Variants in DIP2C observed in about 807,000 individuals in gnomAD.
The protein encoded by DIP2C is disco-interacting protein 2 homolog C.
DIP2C carries 33 observed loss-of-function variants against 192.4 expected under a neutral mutation model. The observed-to-expected ratio is 0.17, with a 90% CI of 0.13 to 0.23. The LOEUF is 0.23. Ranked by LOEUF, DIP2C falls within the 10% of genes least tolerant of loss-of-function variation. The probability of loss-of-function intolerance (pLI) is 1.00; values close to 1 mark genes in which losing one functional copy is unlikely to be tolerated. For synonymous variants in DIP2C, 979 were observed against 864.1 expected (o/e 1.13, Z -2.33); for missense variants, 1,537 against 2,110.1 (o/e 0.73, Z 5.32).
intron 1 of DIP2C, among the ~76,000 whole-genome samples, chr10:676,267 A>G (rs929840929): frequency 1.1e-4 from 17 of 152,342 alleles, no homozygotes; most frequent in Middle Eastern, 3.4e-3. Context: ...ATACCTCAAC[A>G]CAATAAAGGC....
chr10:585,981 C>T (rs1850998641), intron 1 of DIP2C, among the ~76,000 whole-genome samples: 1 of 152,160 alleles, frequency 6.6e-6, no homozygotes, highest in Non-Finnish European at 1.5e-5. Flanking sequence ...AATGACGCTT[C>T]TTGCAGTGTC....
chr10:576,153 G>C (rs940128805), intron 1 of DIP2C, among the ~76,000 whole-genome samples: 1 of 152,204 alleles, frequency 6.6e-6, no homozygotes, highest in Admixed American at 6.5e-5. Flanking sequence ...CAGATGTGCT[G>C]GCACCAAGCA....
chr10:390,567 C>G (rs897607578), intron 11 of DIP2C, among the ~76,000 whole-genome samples, 173 bp downstream of exon 11: 1 of 151,680 alleles, frequency 6.6e-6, no homozygotes, highest in Non-Finnish European at 1.5e-5. Flanking sequence ...CGTCACCCCA[C>G]GGGCTGGCAA....
intron 2 of DIP2C, among the ~76,000 whole-genome samples, chr10:475,977 A>C (rs976886254): frequency 1.3e-5 from 2 of 152,238 alleles, no homozygotes; most frequent in African/African-American, 4.8e-5. Flanking sequence ...TGACTGCAGC[A>C]TACCGCTCTG....
At chr10:310,188 T>C in intron 31 of DIP2C, 96 bp from the exon 32 acceptor site, 1 of 1,225,114 alleles carries the variant, frequency 8.2e-7, no homozygotes. Context: ...TTGTAAAATC[T>C]TAAAGTGAAA....
chr10:324,472 T>C (rs1436684049), intron 31 of DIP2C, among the ~76,000 whole-genome samples: 1 of 152,198 alleles, frequency 6.6e-6, no homozygotes, highest in Non-Finnish European at 1.5e-5. Context: ...TAAATTTAAT[T>C]TCTCTCTGCT....
intron 1 of DIP2C, among the ~76,000 whole-genome samples, chr10:543,951 TTC>T (rs1402369867): frequency 3.3e-5 from 5 of 152,260 alleles, no homozygotes; most frequent in South Asian, 4.1e-4. Flanking sequence ...GCCAGCCGAC[TTC>T]TGTTTCTCTG....
At chr10:362,408 G>A (rs1339641377) in intron 22 of DIP2C, 82 bp downstream of exon 22, 8 of 1,482,892 alleles carry the variant, frequency 5.4e-6, no homozygotes, top group African/African-American at 4.2e-5. Context: ...AAGCAGCCCT[G>A]GGTGAACTCC....
At chr10:543,982 G>T (rs774342999) in intron 1 of DIP2C, among the ~76,000 whole-genome samples, 4 of 152,080 alleles carry the variant, frequency 2.6e-5, no homozygotes, top group Non-Finnish European at 5.9e-5. Context: ...CACTCTGGAC[G>T]CCTGTCGTGA....
intron 1 of DIP2C, among the ~76,000 whole-genome samples, chr10:505,489 G>A (rs896248041): frequency 5.9e-5 from 9 of 152,166 alleles, no homozygotes; most frequent in African/African-American, 7.2e-5. Flanking sequence ...TGTACTTCCT[G>A]GCAATAAACA....
At chr10:367,819 C>T (rs1455549984) in intron 18 of DIP2C, among the ~76,000 whole-genome samples, 3 of 152,398 alleles carry the variant, frequency 2.0e-5, no homozygotes, top group Admixed American at 6.5e-5. Context: ...GTACGCAGTA[C>T]TCCATCATGA....
chr10:379,902 T>C (rs1295009981), intron 17 of DIP2C, among the ~76,000 whole-genome samples: 2 of 151,976 alleles, frequency 1.3e-5, no homozygotes, highest in East Asian at 3.9e-4. Context: ...GAAGAGGCTG[T>C]CCCTGGATGA....
chr10:504,177 C>T (rs1845431521), intron 1 of DIP2C, among the ~76,000 whole-genome samples: 2 of 152,218 alleles, frequency 1.3e-5, no homozygotes, highest in African/African-American at 4.8e-5. Flanking sequence ...ATCCCCATCT[C>T]CTTGGGCTGG....
intron 30 of DIP2C, 87 bp downstream of exon 30, chr10:329,346 T>C (rs1283945494): frequency 7.1e-7 from 1 of 1,402,004 alleles, no homozygotes; most frequent in Non-Finnish European, 9.5e-7. Context: ...GAGGACTGTT[T>C]TAACTTCACC....
In DIP2C at chr10:407,366, G is replaced by C. The variant is rs753984581; in HGVS notation, c.1149+1560C>G. Among the ~76,000 whole-genome samples the C allele has an allele frequency of 7.3e-5, 11 of 151,558 alleles. No homozygotes were observed. The South Asian group carries it at 1.9e-3, about 26-fold the overall frequency. On this transcript the variant is annotated intron_variant, in intron 9 of 36. Transcript: ENST00000280886. ...GGATTTGGGGTTGCTTCCACCATTT[G>C]GTTGTGTGAGTCGGCTGCTATGAGC... is the stretch of plus-strand genomic sequence containing the variant.
chr10:364,404 A>G lies in DIP2C; in HGVS notation c.2447T>C (p.Val816Ala). 6.2e-7 allele frequency: 1 copy of G among 1,613,870 alleles called. No individual in the cohort carries two copies. Among genetic ancestry groups the G allele is most frequent in the Non-Finnish European group, 8.5e-7 (1 of 1,179,844 alleles). Residue 816 changes from valine (V) to alanine (A), a missense_variant, in exon 20 of 37, where the codon GTA (valine) becomes GCA (alanine). Val to Ala is a moderately conservative substitution (Grantham distance 64). Coordinates refer to ENST00000280886, the MANE Select transcript of DIP2C (RefSeq NM_014974.3). Reference sequence around the variant, plus strand: ...CCGGTAGACAAACTTCATGGGTTCTACGGCCAGCGCAGTGGCCACGATGTC... The same window carrying G: ...CCGGTAGACAAACTTCATGGGTTCTGCGGCCAGCGCAGTGGCCACGATGTC... ...ADDIVATALA[V>A]EPMKFVYRGR...
chr10:552,633 G>C (rs187866248), intron 1 of DIP2C, among the ~76,000 whole-genome samples: 3 of 152,192 alleles, frequency 2.0e-5, no homozygotes, highest in African/African-American at 7.2e-5. Flanking sequence ...GGCGGATCAC[G>C]AGGTCAGGAG....
chr10:301,690 A>T (rs1037792627), intron 32 of DIP2C, among the ~76,000 whole-genome samples: 15 of 152,240 alleles, frequency 9.9e-5, no homozygotes, highest in Admixed American at 9.2e-4. Flanking sequence ...TCCTGAAAAC[A>T]CACCTTGGAG....
At position 390,190 on chromosome 10, in the gene DIP2C, G is replaced by A. The variant is rs554020567; in HGVS notation, c.1494+74C>T. On this transcript the variant is annotated intron_variant, in intron 12 of 36. Transcript: ENST00000280886. ...TCCAAGTCCCTGAATTTTGGCACTC[G>A]TGTAACCGTCAGAAACACACGTTAG... 67 of 1,588,948 alleles carry A rather than the reference G, an allele frequency of 4.2e-5. No individual in the cohort carries two copies. The East Asian group carries it at 9.0e-4, about 21-fold the overall frequency.
Sources: gnomAD v4.1 joint callset for allele counts (sites outside exome capture counted in the v4.1 genomes callset) on GRCh38, gnomAD v4.1.1 for gene constraint, MANE v1.5 for transcripts, NCBI Gene and HGNC (gene_info 2026-07-23, HGNC 2026-07-21) for gene names.